RIMS2: variants seen among roughly 807,000 people sequenced by gnomAD.
The protein encoded by RIMS2 is regulating synaptic membrane exocytosis 2, also known as regulating synaptic membrane exocytosis protein 2.
Under a neutral mutation model 174.4 loss-of-function variants are expected in RIMS2, and 59 were observed. The ratio of observed to expected loss-of-function variants is 0.34; its 90% CI spans 0.27 to 0.42. The LOEUF (loss-of-function observed/expected upper bound fraction) is 0.42, where lower values mean the gene tolerates loss of function less well. Ranked by LOEUF, RIMS2 falls within the 10% of genes least tolerant of loss-of-function variation. The probability of loss-of-function intolerance (pLI) is 1.00; values close to 1 mark genes in which losing one functional copy is unlikely to be tolerated. For missense variants in RIMS2, 1,620 were observed against 1,666.3 expected (o/e 0.97, Z 0.48); for synonymous variants, 606 against 572.5 (o/e 1.06, Z -0.84).
intron 19 of RIMS2, among the ~76,000 whole-genome samples, chr8:104,153,250 G>A (rs1444598842): frequency 6.6e-6 from 1 of 152,068 alleles, no homozygotes; most frequent in African/African-American, 2.4e-5. Context: ...TCATAACCTA[G>A]TAGAGAGCAT....
At chr8:103,535,209 G>T (rs1238523465) in intron 1 of RIMS2, among the ~76,000 whole-genome samples, 1 of 152,202 alleles carries the variant, frequency 6.6e-6, no homozygotes, top group Admixed American at 6.5e-5. Context: ...AGCATTAGCT[G>T]TAGCAGAGGT....
intron 19 of RIMS2, among the ~76,000 whole-genome samples, chr8:104,203,494 C>CTTTTT (rs10545100): frequency 2.2e-3 from 162 of 72,784 alleles, no homozygotes; most frequent in Non-Finnish European, 3.0e-3. Flanking sequence ...AGACACTGTA[C>CTTTTT]TTTTTTTTTT....
intron 19 of RIMS2, among the ~76,000 whole-genome samples, chr8:104,228,181 A>G (rs1433331444): frequency 6.6e-6 from 1 of 151,966 alleles, no homozygotes; most frequent in Non-Finnish European, 1.5e-5. Context: ...GGCATGTGCC[A>G]CCATGCCTGG....
chr8:103,975,301 G>A (rs1035535675), intron 15 of RIMS2, 49 bp from the exon 18 acceptor site: 2 of 1,337,476 alleles, frequency 1.5e-6, no homozygotes, highest in Non-Finnish European at 2.1e-6. Flanking sequence ...GAGACGCAAA[G>A]GACTTTGTAC....
chr8:104,015,402 G>A (rs898671948), intron 19 of RIMS2: 15 of 673,744 alleles, frequency 2.2e-5, no homozygotes, highest in Non-Finnish European at 3.8e-5. Context: ...TCTGTTTTTT[G>A]TTTTTATTTT....
chr8:103,549,031 A>G (rs1379737202), intron 1 of RIMS2, among the ~76,000 whole-genome samples: 8 of 152,170 alleles, frequency 5.3e-5, no homozygotes, highest in Non-Finnish European at 1.0e-4. Flanking sequence ...ACCACAGACA[A>G]ATGGAAAAAC....
intron 1 of RIMS2, among the ~76,000 whole-genome samples, chr8:103,684,050 A>G (rs2096910286): frequency 6.6e-6 from 1 of 152,200 alleles, no homozygotes; most frequent in African/African-American, 2.4e-5. Flanking sequence ...GCACTTCGAA[A>G]TCTAACTTTT....
At chr8:104,003,417 CTTT>C (rs56779976) in intron 17 of RIMS2, among the ~76,000 whole-genome samples, 1 of 142,216 alleles carries the variant, frequency 7.0e-6, no homozygotes, top group Admixed American at 7.1e-5. Flanking sequence ...TGTGAAGAAT[CTTT>C]TTTTTTTTTT....
intron 19 of RIMS2, among the ~76,000 whole-genome samples, chr8:104,162,506 G>A (rs55676625): frequency 0.15 from 22,776 of 152,024 alleles, 1,835 homozygotes; most frequent in Non-Finnish European, 0.17. Flanking sequence ...AAACTAAAAT[G>A]CAGTTTCATG....
At chr8:103,910,468 A>T in intron 5 of RIMS2, 1 of 1,597,394 alleles carries the variant, frequency 6.3e-7, no homozygotes, top group Non-Finnish European at 8.5e-7. Flanking sequence ...CAGATTAAGG[A>T]CTCTGGGGTA....
chr8:103,792,951 AC>A (rs1354275733), intron 3 of RIMS2, among the ~76,000 whole-genome samples: 1 of 152,142 alleles, frequency 6.6e-6, no homozygotes, highest in African/African-American at 2.4e-5. Context: ...TAGCCTACCA[AC>A]CAAAAAAAGT....
At chr8:104,013,596 G>A (rs547578476) in exon 18 of RIMS2, 1 of 1,613,546 alleles carries the variant, frequency 6.2e-7, no homozygotes, top group Non-Finnish European at 8.5e-7. Flanking sequence ...TGGAAGATCT[G>A]CCCCTCCTTC....
chr8:104,072,843 A>G (rs2097217858), intron 19 of RIMS2, among the ~76,000 whole-genome samples: 1 of 152,204 alleles, frequency 6.6e-6, no homozygotes, highest in Admixed American at 6.5e-5. Context: ...TTTTCAGTAT[A>G]CTAGAAAACT....
intron 17 of RIMS2, among the ~76,000 whole-genome samples, chr8:103,996,131 G>A (rs1363757857): frequency 6.6e-6 from 1 of 151,888 alleles, no homozygotes; most frequent in African/African-American, 2.4e-5. Context: ...ATGGACTCCT[G>A]TGTTTTGTAG....
intron 19 of RIMS2, among the ~76,000 whole-genome samples, chr8:104,211,659 G>C (rs2099106022): frequency 6.6e-6 from 1 of 151,612 alleles, no homozygotes. Context: ...CTGCCTCCCA[G>C]GTTTAAGTGA....
chr8:103,984,506 G>A (rs1445150684), intron 16 of RIMS2, among the ~76,000 whole-genome samples: 1 of 152,116 alleles, frequency 6.6e-6, no homozygotes, highest in East Asian at 1.9e-4. Context: ...ACAATGACAT[G>A]TTATCTCACT....
chr8:104,051,294 TCA>T (rs1233645962), intron 19 of RIMS2, among the ~76,000 whole-genome samples: 4 of 151,856 alleles, frequency 2.6e-5, no homozygotes, highest in African/African-American at 9.7e-5. Context: ...ATATATACAC[TCA>T]CACACACATA....
At chr8:104,046,626 CATTATT>C (rs1307909001) in intron 19 of RIMS2, among the ~76,000 whole-genome samples, 1 of 152,006 alleles carries the variant, frequency 6.6e-6, no homozygotes, top group Non-Finnish European at 1.5e-5. Context: ...CCAAAATCTT[CATTATT>C]ATTATCAATT....
At chr8:103,883,761 A>G (rs2099183036) in intron 3 of RIMS2, among the ~76,000 whole-genome samples, 2 of 151,774 alleles carry the variant, frequency 1.3e-5, no homozygotes, top group Non-Finnish European at 2.9e-5. Context: ...ATTATTGTCA[A>G]GCATTAGTTG....
Sources: allele counts gnomAD v4.1 joint callset (sites outside exome capture counted in the v4.1 genomes callset), GRCh38; gene constraint gnomAD v4.1.1; transcripts MANE v1.5; gene names NCBI Gene and HGNC (gene_info 2026-07-23, HGNC 2026-07-21).